RBL1: variants seen among roughly 807,000 people sequenced by gnomAD.
RBL1 encodes the protein retinoblastoma-like protein 1.
In RBL1, 82 loss-of-function variants were observed where a neutral mutation model predicts 123.0. The ratio of observed to expected loss-of-function variants is 0.67; its 90% CI spans 0.56 to 0.80. The LOEUF (loss-of-function observed/expected upper bound fraction) is 0.80, where lower values mean the gene tolerates loss of function less well. RBL1 is among the 30% of genes least tolerant of loss of function. The pLI, the probability that RBL1 is intolerant of heterozygous loss-of-function variation, is 0.00. For synonymous variants in RBL1, 405 were observed against 441.3 expected, an observed-to-expected ratio of 0.92 and a Z score of 1.03; for missense variants, 1,171 against 1,299.6, an observed-to-expected ratio of 0.90 and a Z score of 1.52.
In RBL1 at chr20:36,997,116, TTA is replaced by T. The variant is rs1402748377; in HGVS notation, c.*1641_*1642del. 6.6e-6 allele frequency: 1 copy of T among 152,210 alleles called. No homozygotes were observed. Among genetic ancestry groups the T allele is most frequent in the African/African-American group, 2.4e-5 (1 of 41,458 alleles). The allele number at this position is 152,210 out of a possible 1,614,324, so 9.4% of individuals were successfully genotyped here. A position where few individuals can be genotyped will look rare whatever the true frequency, so the allele number is the denominator to read the frequency against. Reference sequence around the variant, plus strand: ...ATTTGATAAAACTTCTCAAAATTAATTATGAGTGGCTTATTCATGTCCTTTGG... The same window carrying T: ...ATTTGATAAAACTTCTCAAAATTAATTGAGTGGCTTATTCATGTCCTTTGG... On this transcript the variant is annotated 3_prime_UTR_variant, in exon 22 of 22. Transcript: ENST00000373664.
At chr20:37,011,075 C>T (rs1310213265) in intron 19 of RBL1, among the ~76,000 whole-genome samples, 1 of 152,274 alleles carries the variant, frequency 6.6e-6, no homozygotes, top group Non-Finnish European at 1.5e-5. Flanking sequence ...CTGCCTCAGC[C>T]TTCCAAAGTG....
intron 21 of RBL1, 43 bp from the exon 22 acceptor site, chr20:36,998,972 G>A: frequency 1.3e-6 from 2 of 1,557,848 alleles, no homozygotes; most frequent in Non-Finnish European, 1.8e-6. Flanking sequence ...AGAGGGAGAG[G>A]GGAAATGGCA....
In RBL1 at chr20:37,061,401, A is replaced by G. The variant is rs2065092862; in HGVS notation, c.1084-132T>C. 25 of 1,265,260 alleles carry G rather than the reference A, an allele frequency of 2.0e-5. 2 individuals are homozygous for G. In the South Asian group the frequency reaches 6.5e-4, roughly 33 times the overall value. 78.4% of individuals were successfully genotyped at this position (1,265,260 alleles called of 1,614,324 possible). A position where few individuals can be genotyped will look rare whatever the true frequency, so the allele number is the denominator to read the frequency against. On this transcript the variant is annotated intron_variant, in intron 8 of 21. Transcript: ENST00000373664. ...TGAAATTTTTAGCAATACTATGCTA[A>G]TAACATCCTTATATTTGAATAACAC... is the stretch of plus-strand genomic sequence containing the variant.
At chr20:37,089,755 A>G (rs556308558) in intron 1 of RBL1, among the ~76,000 whole-genome samples, 10 of 152,290 alleles carry the variant, frequency 6.6e-5, no homozygotes, top group Admixed American at 5.2e-4. Flanking sequence ...GACCACATAT[A>G]CAATGGTGGT....
chr20:36,999,948 C>G (rs995056183), intron 21 of RBL1, among the ~76,000 whole-genome samples: 10 of 150,300 alleles, frequency 6.7e-5, no homozygotes, highest in African/African-American at 2.0e-4. Context: ...TCTGCCTGGC[C>G]GCCCATCGTC....
At chr20:37,079,728 T>C (rs1306162847) in intron 2 of RBL1, among the ~76,000 whole-genome samples, 1 of 151,998 alleles carries the variant, frequency 6.6e-6, no homozygotes, top group Non-Finnish European at 1.5e-5. Context: ...TCCCAAGCGA[T>C]CCTCCCACCT....
chr20:37,078,485 A>G (rs965263724), intron 2 of RBL1, among the ~76,000 whole-genome samples: 20 of 152,276 alleles, frequency 1.3e-4, no homozygotes, highest in African/African-American at 4.1e-4. Flanking sequence ...GAGTCTACCA[A>G]TGGGAGTCTT....
chr20:37,038,598 C>CTTTT (rs1185859018), intron 14 of RBL1, among the ~76,000 whole-genome samples: 1 of 118,620 alleles, frequency 8.4e-6, no homozygotes. Context: ...TGTGCCTGGC[C>CTTTT]TTTTTTTTTT....
intron 19 of RBL1, among the ~76,000 whole-genome samples, chr20:37,014,644 T>C (rs769531148): frequency 4.1e-5 from 6 of 146,842 alleles, no homozygotes; most frequent in Non-Finnish European, 9.0e-5. Flanking sequence ...ACAAAAAATA[T>C]AAAAATTAGC....
chr20:37,044,617 T>C (rs189705971), intron 12 of RBL1, among the ~76,000 whole-genome samples: 34 of 152,166 alleles, frequency 2.2e-4, no homozygotes, highest in African/African-American at 7.5e-4. Flanking sequence ...GGGACTACAG[T>C]TGTGAGCCAC....
chr20:37,012,815 C>A (rs576622584), intron 19 of RBL1, among the ~76,000 whole-genome samples: 1 of 147,204 alleles, frequency 6.8e-6, no homozygotes, highest in East Asian at 2.1e-4. Flanking sequence ...GCCCGGCCAG[C>A]CACCCCGTCA....
At chr20:37,005,887 T>TTTCA (rs2064062622) in intron 20 of RBL1, among the ~76,000 whole-genome samples, 1 of 124,056 alleles carries the variant, frequency 8.1e-6, no homozygotes, top group Non-Finnish European at 1.6e-5. Flanking sequence ...CTTTTTTTTT[T>TTTCA]TTCTTTCTTT....
In RBL1 at chr20:37,034,046, C is replaced by T. The variant is rs1247276356; in HGVS notation, c.2171-1170G>A. Among the ~76,000 whole-genome samples the T allele has an allele frequency of 1.4e-4, 21 of 150,792 alleles. No individual in the cohort carries two copies. The Admixed American group carries it at 1.4e-3, about 10-fold the overall frequency. Reference sequence around the variant, plus strand: ...CTCAAATTCCTGGGCTCAAGTGATTCTCCTGCCTCAGCCTCCTAAGTAGCT... The same window carrying T: ...CTCAAATTCCTGGGCTCAAGTGATTTTCCTGCCTCAGCCTCCTAAGTAGCT... On this transcript the variant is annotated intron_variant, in intron 15 of 21. Coordinates refer to ENST00000373664, the MANE Select transcript of RBL1 (RefSeq NM_002895.5).
At chr20:37,068,404 ATTGCTTGAGCCCAGGATG>A (rs1486233857) in intron 2 of RBL1, among the ~76,000 whole-genome samples, 1 of 152,138 alleles carries the variant, frequency 6.6e-6, no homozygotes, top group African/African-American at 2.4e-5. Flanking sequence ...AGGTGGGAGA[ATTGCTTGAGCCCAGGATG>A]TCGAGACTGC....
At chr20:37,055,523 G>A (rs1258039584) in intron 11 of RBL1, 30 bp downstream of exon 11, 2 of 1,613,368 alleles carry the variant, frequency 1.2e-6, no homozygotes. Flanking sequence ...TTTGGACCTT[G>A]CCAGTAGCTC....
At chr20:37,092,700 C>T (rs1419124401) in intron 1 of RBL1, among the ~76,000 whole-genome samples, 1 of 152,020 alleles carries the variant, frequency 6.6e-6, no homozygotes, top group African/African-American at 2.4e-5. Context: ...CTATGTTGCC[C>T]AGGCTGGTCT....
At chr20:37,029,422 A>G (rs968196103) in intron 16 of RBL1, among the ~76,000 whole-genome samples, 15 of 152,314 alleles carry the variant, frequency 9.8e-5, no homozygotes, top group Admixed American at 4.6e-4. Context: ...ATATAAGTGG[A>G]CTTGTACAGT....
In RBL1 at chr20:37,043,159, C is replaced by T. The variant is rs527991371; in HGVS notation, c.1770+927G>A. 1.9e-3 allele frequency among the ~76,000 whole-genome samples: 222 copies of T among 115,048 alleles called. 3 individuals are homozygous for T. The highest frequency in any genetic ancestry group is 0.019 in the South Asian group (76 of 3,988). The allele number at this position is 115,048 out of a possible 152,430, so 75.5% of individuals were successfully genotyped here. ...TCCTGTCTCTACACACACATGCGCG[C>T]GTGCACACACACACACACACACACA... On this transcript the variant is annotated intron_variant, in intron 13 of 21. Transcript: ENST00000373664.
In RBL1 at chr20:37,093,652, T is replaced by A. The variant is rs530119255; in HGVS notation, c.156+2121A>T. Among the ~76,000 whole-genome samples, 8 of 151,872 alleles carry A rather than the reference T, an allele frequency of 5.3e-5. No homozygotes were observed. The East Asian group carries it at 1.5e-3, about 29-fold the overall frequency. ...AAGACCCTGTTTCTTTCCATTTTTT[T>A]TTTTTTTTTGAGATGGAGTTACACT... On this transcript the variant is annotated intron_variant, in intron 1 of 21. Transcript: ENST00000373664.
Sources: gnomAD v4.1 joint callset for allele counts (sites outside exome capture counted in the v4.1 genomes callset) on GRCh38, gnomAD v4.1.1 for gene constraint, MANE v1.5 for transcripts, NCBI Gene and HGNC (gene_info 2026-07-23, HGNC 2026-07-21) for gene names.